MAPK8IP3: variants seen among roughly 807,000 people sequenced by gnomAD.
MAPK8IP3 encodes the protein mitogen-activated protein kinase 8 interacting protein 3.
In MAPK8IP3, 49 loss-of-function variants were observed where a neutral mutation model predicts 157.8. The ratio of observed to expected loss-of-function variants is 0.31; its 90% confidence interval spans 0.25 to 0.39. The LOEUF is 0.39. Among genes scored for constraint, MAPK8IP3 ranks in the 10% least tolerant of loss-of-function variants. The probability of loss-of-function intolerance (pLI) is 1.00; values close to 1 mark genes in which losing one functional copy is unlikely to be tolerated. For missense variants in MAPK8IP3, 1,478 were observed against 1,889.4 expected, an observed-to-expected ratio of 0.78 and a Z score of 4.04; for synonymous variants, 897 against 777.7, an observed-to-expected ratio of 1.15 and a Z score of -2.55.
Position 1,748,399 on chromosome 16 carries a change from T to G in MAPK8IP3, c.1097+53T>G, listed in dbSNP as rs972753747. 4.0e-6 allele frequency: 6 copies of G among 1,488,542 alleles called. No homozygotes were observed. The African/African-American group carries it at 8.3e-5, about 21-fold the overall frequency. The allele number at this position is 1,488,542 out of a possible 1,614,324, so 92.2% of individuals were successfully genotyped here. ...CCTGGGGGCTCAGTATTTATCCAAG[T>G]CGGTGTCTTTGGTGAAGTCTTCCTC... On this transcript the variant is annotated intron_variant, in intron 7 of 31. Transcript: ENST00000610761.
intron 4 of MAPK8IP3, among the ~76,000 whole-genome samples, chr16:1,736,479 TGTGACC>T (rs2039843486): frequency 2.3e-5 from 1 of 42,714 alleles, no homozygotes; most frequent in Non-Finnish European, 3.9e-5. Flanking sequence ...TGAGCATCCG[TGTGACC>T]GTGAGCGTCC....
rs1354468852 is a variant in MAPK8IP3, at chr16:1,710,252, C to G, written c.318+3595C>G. On this transcript the variant is annotated intron_variant, in intron 1 of 31. Coordinates refer to ENST00000610761, the MANE Select transcript of MAPK8IP3 (RefSeq NM_001318852.2). This position sits in a 1 kb window ranked among gnomAD's most constrained non-coding sequence, Gnocchi z 4.1. Reference sequence around the variant, plus strand: ...AACTCCTGACCTCCTCATCTCAGGTCAGGAGTTTGAGACCAGCCTGGCGAA... The same window carrying G: ...AACTCCTGACCTCCTCATCTCAGGTGAGGAGTTTGAGACCAGCCTGGCGAA... Among the ~76,000 whole-genome samples the G allele has an allele frequency of 6.6e-6, 1 of 150,794 alleles. No individual in the cohort carries two copies. The highest frequency in any genetic ancestry group is 2.4e-5 in the African/African-American group (1 of 40,928).
chr16:1,751,369 G>T lies in MAPK8IP3; in HGVS notation c.1216+2649G>T, dbSNP rs1031687857. 2.0e-5 allele frequency among the ~76,000 whole-genome samples: 3 copies of T among 152,148 alleles called. No homozygotes were observed. The highest frequency in any genetic ancestry group is 7.2e-5 in the African/African-American group (3 of 41,416). ...AGCTACTCGGGAGACTGAGGCAGAAGAATTGTTTGAACCCAGGAAGCGGAG... is the reference window on the plus strand; with the variant it reads ...AGCTACTCGGGAGACTGAGGCAGAATAATTGTTTGAACCCAGGAAGCGGAG... On this transcript the variant is annotated intron_variant, in intron 8 of 31. Transcript: ENST00000610761. The surrounding 1 kb of genome is among the most constrained non-coding windows in gnomAD (Gnocchi z 5.0).
At chr16:1,764,018 G>T in intron 17 of MAPK8IP3, 97 bp from the exon 18 acceptor site, 3 of 1,269,278 alleles carry the variant, frequency 2.4e-6, no homozygotes, top group Non-Finnish European at 3.2e-6. Flanking sequence ...TGAAGTGGCT[G>T]TGCCGCCAGA....
At position 1,742,403 on chromosome 16, in the gene MAPK8IP3, G is replaced by T. The variant is rs1354045249; in HGVS notation, c.603-929G>T. Among the ~76,000 whole-genome samples the T allele has an allele frequency of 6.6e-6, 1 of 152,178 alleles. No individual in the cohort carries two copies. The highest frequency in any genetic ancestry group is 1.5e-5 in the Non-Finnish European group (1 of 68,024). ...GTCTTGCCAGGCTGTCCGAGGCCAG[G>T]CTGTCCCAGGGTCCGTCTTCAGGTT... On this transcript the variant is annotated intron_variant, in intron 4 of 31. Transcript: ENST00000610761. The surrounding 1 kb of genome is among the most constrained non-coding windows in gnomAD (Gnocchi z 5.0).
At chr16:1,757,702 G>T (rs2041690840) in intron 8 of MAPK8IP3, among the ~76,000 whole-genome samples, 1 of 152,158 alleles carries the variant, frequency 6.6e-6, no homozygotes, top group South Asian at 2.1e-4. Context: ...AGAAGCCTAG[G>T]AGTCCAGCTC....
At chr16:1,738,571 CGTGT>C (rs1373804595) in intron 4 of MAPK8IP3, among the ~76,000 whole-genome samples, 1 of 123,426 alleles carries the variant, frequency 8.1e-6, no homozygotes, top group East Asian at 2.6e-4. Flanking sequence ...TGTGAGCATC[CGTGT>C]GAGTGTGACC....
chr16:1,767,119 G>A (rs1425786623), intron 25 of MAPK8IP3, 30 bp from the exon 26 acceptor site: 7 of 1,611,474 alleles, frequency 4.3e-6, no homozygotes, highest in African/African-American at 1.3e-5. Flanking sequence ...GCCTGGCCAG[G>A]CCTGAGCAGG....
At chr16:1,717,250 A>AG (rs2038214805) in intron 1 of MAPK8IP3, among the ~76,000 whole-genome samples, 1 of 150,996 alleles carries the variant, frequency 6.6e-6, no homozygotes, top group African/African-American at 2.4e-5. Context: ...AAAAAAAAAA[A>AG]AAAAGAAAGA....
At chr16:1,708,486 A>C (rs1044865376) in intron 1 of MAPK8IP3, among the ~76,000 whole-genome samples, 1 of 152,190 alleles carries the variant, frequency 6.6e-6, no homozygotes, top group Non-Finnish European at 1.5e-5. Flanking sequence ...GAAAGGAGAA[A>C]ATCAAGATGG....
At chr16:1,758,584 G>A (rs1736331057) in intron 9 of MAPK8IP3, among the ~76,000 whole-genome samples, 1 of 152,114 alleles carries the variant, frequency 6.6e-6, no homozygotes, top group Admixed American at 6.5e-5. Flanking sequence ...CTCTCTGGCT[G>A]CACAGCAGGA....
At position 1,767,270 on chromosome 16, in the gene MAPK8IP3, C is replaced by T. The variant is rs368635619; in HGVS notation, c.3210C>T (p.Val1070=). Reference sequence around the variant, plus strand: ...GTGGCTACAAGAACAAGGTGCACGTCATCCAGCCCAAGACCATGCAGATAG... The same window carrying T: ...GTGGCTACAAGAACAAGGTGCACGTTATCCAGCCCAAGACCATGCAGATAG... The part of the protein sequence containing the change: ...VWCGYKNKVH[V]IQPKTMQIEK... The change falls in exon 26 of 32, where the codon GTC becomes GTT. Residue 1070 remains valine (V), a synonymous_variant. Transcript: ENST00000610761. The T allele has an allele frequency of 8.1e-6, 13 of 1,613,156 alleles. No individual in the cohort carries two copies. The highest frequency in any genetic ancestry group is 4.0e-5 in the African/African-American group (3 of 74,934).
intron 4 of MAPK8IP3, among the ~76,000 whole-genome samples, chr16:1,739,677 AGTGACCGTCCGTGTGAGCTTCCGT>A (rs1195209094): frequency 1.0e-3 from 40 of 39,528 alleles, no homozygotes; most frequent in African/African-American, 4.3e-3. Flanking sequence ...CGTTCGTGTG[AGTGACCGTCCGTGTGAGCTTCCGT>A]GTGACCGTCC....
At chr16:1,754,034 G>A (rs8056560) in intron 8 of MAPK8IP3, among the ~76,000 whole-genome samples, 13,387 of 151,836 alleles carry the variant, frequency 0.088, 807 homozygotes, top group East Asian at 0.28. Context: ...TTAACTGAGT[G>A]CAGTGGCAGG....
At chr16:1,756,496 A>G (rs910333408) in intron 8 of MAPK8IP3, among the ~76,000 whole-genome samples, 4 of 151,710 alleles carry the variant, frequency 2.6e-5, no homozygotes, top group African/African-American at 9.7e-5. Context: ...AAAAAAAGCA[A>G]CCGGGGTCAG....
Position 1,765,012 on chromosome 16 carries a change from G to T in MAPK8IP3, c.2281-1G>T. 6.2e-7 allele frequency: 1 copy of T among 1,603,468 alleles called. No individual in the cohort carries two copies. The highest frequency in any genetic ancestry group is 8.5e-7 in the Non-Finnish European group (1 of 1,172,352). ...GACCTTGATCCCGTGCCCTGAAACA[G>T]GCCAAGGAGCTCCCTGAAATGGACG... On this transcript the variant is annotated splice_acceptor_variant, in intron 19 of 31. Transcript: ENST00000610761. LOFTEE classifies it high-confidence loss of function.
rs1479142047 is a variant in MAPK8IP3 at position 1,706,418 on chromosome 16, G to C, written c.79G>C (p.Glu27Gln). Reference protein sequence around the residue: ...DDYCSGSVMSERVSGLAGSIY... With the variant: ...DDYCSGSVMSQRVSGLAGSIY... ...CTACTGCTCCGGCTCGGTGATGTCG[G>C]AGCGGGTGTCGGGCCTGGCGGGCTC... The change falls in exon 1 of 32, where the codon GAG becomes CAG. Residue 27 changes from glutamate to glutamine, a missense_variant. Glu to Gln is a conservative substitution (Grantham distance 29). Around this residue, in one of 11 missense-constraint regions of MAPK8IP3, gnomAD observed 65 missense variants for 161.8 expected, o/e 0.40. Coordinates refer to ENST00000610761, the MANE Select transcript of MAPK8IP3 (RefSeq NM_001318852.2). This position sits in a 1 kb window ranked among gnomAD's most constrained non-coding sequence, Gnocchi z 5.1. 3 of 1,613,592 alleles carry C rather than the reference G, an allele frequency of 1.9e-6. No homozygotes were observed. Among genetic ancestry groups the C allele is most frequent in the African/African-American group, 1.3e-5 (1 of 74,932 alleles).
rs1163295509 is a variant in MAPK8IP3, at chr16:1,710,223, A to T, written c.318+3566A>T. ...CCACCTCAGCCTCCCAACATTTGAC[A>T]TTGAACTCCTGACCTCCTCATCTCA... On this transcript the variant is annotated intron_variant, in intron 1 of 31. Transcript: ENST00000610761. This position sits in a 1 kb window ranked among gnomAD's most constrained non-coding sequence, Gnocchi z 4.1. 7.3e-5 allele frequency among the ~76,000 whole-genome samples: 11 copies of T among 150,876 alleles called. No individual in the cohort carries two copies. The highest frequency in any genetic ancestry group is 7.3e-4 in the Admixed American group (11 of 15,144).
chr16:1,720,057 T>C (rs2038417359), intron 1 of MAPK8IP3, among the ~76,000 whole-genome samples: 1 of 152,224 alleles, frequency 6.6e-6, no homozygotes, highest in Non-Finnish European at 1.5e-5. Context: ...TTTGTTTTTC[T>C]TTTGAGATGG....
Sources: allele counts gnomAD v4.1 joint callset (sites outside exome capture counted in the v4.1 genomes callset), GRCh38; gene constraint gnomAD v4.1.1; regional missense constraint gnomAD v4.1.1; non-coding constraint Gnocchi (gnomAD v3.1); transcripts MANE v1.5; gene names NCBI Gene and HGNC (gene_info 2026-07-23, HGNC 2026-07-21).